HDAC9: variants seen among roughly 807,000 people sequenced by gnomAD.
The protein encoded by HDAC9 is MEF-2 interacting transcription repressor (MITR) protein.
A neutral mutation model predicts 139.4 loss-of-function variants in HDAC9; 41 were observed. That is an observed-to-expected ratio of 0.29 (90% CI 0.23 to 0.38). HDAC9 has a LOEUF of 0.38. Among genes scored for constraint, HDAC9 ranks in the 10% least tolerant of loss-of-function variants. The pLI is 1.00. For synonymous variants in HDAC9, 517 were observed against 476.2 expected (o/e 1.09, Z -1.12); for missense variants, 1,147 against 1,297.0 (o/e 0.88, Z 1.78).
intron 2 of HDAC9, among the ~76,000 whole-genome samples, chr7:18,240,036 C>T (rs1340499648): frequency 2.0e-5 from 3 of 146,376 alleles, no homozygotes; most frequent in East Asian, 2.0e-4. Flanking sequence ...TTTATTTAGT[C>T]GGTCTCATCT....
chr7:18,733,742 C>A (rs1033870050), intron 13 of HDAC9, among the ~76,000 whole-genome samples: 10 of 151,926 alleles, frequency 6.6e-5, no homozygotes, highest in Non-Finnish European at 1.5e-4. Flanking sequence ...CTAAGAATTT[C>A]ATCCTATTAC....
chr7:18,597,594 G>C (rs1406134701), intron 6 of HDAC9, among the ~76,000 whole-genome samples: 1 of 152,052 alleles, frequency 6.6e-6, no homozygotes, highest in African/African-American at 2.4e-5. Flanking sequence ...CTACATATGT[G>C]GTGATTTTGA....
In HDAC9 at chr7:18,181,017, T is replaced by C. The variant is rs915792189; in HGVS notation, c.25+18668T>C. Among the ~76,000 whole-genome samples the C allele has an allele frequency of 5.3e-5, 8 of 152,338 alleles. No individual in the cohort carries two copies. The South Asian group carries it at 6.2e-4, about 12-fold the overall frequency. ...CAAATCTCCTCCTCCTTCACTCTTA[T>C]ATGCATATGTGTGATTGTATTTTGG... On this transcript the variant is annotated intron_variant, in intron 2 of 12. Coordinates refer to the HDAC9 transcript ENST00000417496.
intron 2 of HDAC9, among the ~76,000 whole-genome samples, chr7:18,183,151 A>G (rs939066677): frequency 2.0e-5 from 3 of 152,094 alleles, no homozygotes; most frequent in East Asian, 1.9e-4. Context: ...CTGGGACTAC[A>G]GGTGCCTGCC....
chr7:18,723,534 T>C (rs1785294676), intron 12 of HDAC9, among the ~76,000 whole-genome samples: 1 of 152,220 alleles, frequency 6.6e-6, no homozygotes, highest in African/African-American at 2.4e-5. Flanking sequence ...CAAGTAGTTA[T>C]TTGTTTCTTA....
At chr7:18,417,455 A>G (rs1361003992) in intron 1 of HDAC9, among the ~76,000 whole-genome samples, 1 of 152,008 alleles carries the variant, frequency 6.6e-6, no homozygotes, top group Non-Finnish European at 1.5e-5. Flanking sequence ...AACAATCCTG[A>G]TAATTTTTTT....
chr7:18,934,654 GCCA>G (rs1030466813), intron 22 of HDAC9, among the ~76,000 whole-genome samples: 3 of 151,736 alleles, frequency 2.0e-5, no homozygotes, highest in African/African-American at 7.3e-5. Context: ...CCATTTTTTT[GCCA>G]CCCACTTGGC....
At chr7:18,786,497 C>CCTTCATTCCTTCCTT (rs1791756907) in intron 16 of HDAC9, among the ~76,000 whole-genome samples, 1 of 105,112 alleles carries the variant, frequency 9.5e-6, no homozygotes, top group Non-Finnish European at 2.1e-5. Flanking sequence ...TTCCTTCCTT[C>CCTTCATTCCTTCCTT]CTTCCTTCCT....
intron 6 of HDAC9, among the ~76,000 whole-genome samples, chr7:18,624,580 C>T (rs544373023): frequency 1.3e-5 from 2 of 152,136 alleles, no homozygotes; most frequent in South Asian, 4.2e-4. Context: ...CATATACAAG[C>T]AGAACCTCTC....
chr7:18,871,213 A>G (rs999657814), intron 21 of HDAC9, among the ~76,000 whole-genome samples: 3 of 152,156 alleles, frequency 2.0e-5, no homozygotes, highest in African/African-American at 7.2e-5. Flanking sequence ...AGCTTTGGCC[A>G]TTGAAAGTGC....
intron 9 of HDAC9, among the ~76,000 whole-genome samples, 198 bp downstream of exon 9, chr7:18,644,991 A>G (rs910490090): frequency 6.6e-6 from 1 of 152,160 alleles, no homozygotes; most frequent in Non-Finnish European, 1.5e-5. Flanking sequence ...TCACATAATC[A>G]TATGTAAACA....
At chr7:18,202,961 G>A (rs1004706472) in intron 2 of HDAC9, among the ~76,000 whole-genome samples, 1 of 152,154 alleles carries the variant, frequency 6.6e-6, no homozygotes, top group African/African-American at 2.4e-5. Flanking sequence ...GAAAGTTCTT[G>A]TGAGGATTAA....
At chr7:18,908,267 G>A (rs528950948) in intron 22 of HDAC9, among the ~76,000 whole-genome samples, 5 of 151,910 alleles carry the variant, frequency 3.3e-5, no homozygotes, top group African/African-American at 1.2e-4. Context: ...ACACATAATT[G>A]TACATGGTTA....
chr7:18,128,114 T>C (rs1425386780), intron 1 of HDAC9, among the ~76,000 whole-genome samples: 1 of 152,098 alleles, frequency 6.6e-6, no homozygotes, highest in East Asian at 1.9e-4. Context: ...GACCAGACGC[T>C]TCTCAGTGAA....
intron 1 of HDAC9, among the ~76,000 whole-genome samples, chr7:18,364,902 A>G (rs1204794550): frequency 6.6e-6 from 1 of 152,158 alleles, no homozygotes; most frequent in East Asian, 1.9e-4. Flanking sequence ...TTTAAAATGT[A>G]GCAGAATCGA....
chr7:18,343,178 G>C (rs558899334), intron 1 of HDAC9, among the ~76,000 whole-genome samples: 2 of 151,718 alleles, frequency 1.3e-5, no homozygotes, highest in Admixed American at 1.3e-4. Flanking sequence ...AGCAGCATGG[G>C]ATTTTAACAT....
At chr7:18,225,959 C>G (rs1793025066) in intron 2 of HDAC9, among the ~76,000 whole-genome samples, 1 of 151,960 alleles carries the variant, frequency 6.6e-6, no homozygotes, top group Non-Finnish European at 1.5e-5. Context: ...AATGAGGGTA[C>G]CAGAAACTCT....
At chr7:18,911,524 C>T (rs1264178297) in intron 22 of HDAC9, among the ~76,000 whole-genome samples, 1 of 151,488 alleles carries the variant, frequency 6.6e-6, no homozygotes, top group African/African-American at 2.4e-5. Flanking sequence ...CATTTCTTCT[C>T]TGAAACATTA....
chr7:18,952,440 A>G (rs915724797), intron 23 of HDAC9, among the ~76,000 whole-genome samples: 12 of 152,100 alleles, frequency 7.9e-5, no homozygotes, highest in African/African-American at 2.9e-4. Context: ...GTCACAGGGA[A>G]GCTTTTTGAA....
Sources: allele counts gnomAD v4.1 joint callset (sites outside exome capture counted in the v4.1 genomes callset), GRCh38; gene constraint gnomAD v4.1.1; transcripts MANE v1.5; gene names NCBI Gene and HGNC (gene_info 2026-07-23, HGNC 2026-07-21).